Variants in EPHA6 observed in about 807,000 individuals in gnomAD.
EPHA6 encodes the protein EPH receptor A6, also known as ephrin type-A receptor 6.
In EPHA6, 50 loss-of-function variants were observed where a neutral mutation model predicts 112.0. The observed-to-expected ratio is 0.45, with a 90% confidence interval of 0.36 to 0.56. The LOEUF (loss-of-function observed/expected upper bound fraction) is 0.56, where lower values mean the gene tolerates loss of function less well. Ranked by LOEUF, EPHA6 falls within the 20% of genes least tolerant of loss-of-function variation. The pLI is 0.00. For synonymous variants in EPHA6, 529 were observed against 490.7 expected (o/e 1.08, Z -1.03); for missense variants, 1,280 against 1,417.4 (o/e 0.90, Z 1.56).
At chr3:97,619,689 C>T (rs1458097476) in intron 13 of EPHA6, among the ~76,000 whole-genome samples, 3 of 151,904 alleles carry the variant, frequency 2.0e-5, no homozygotes, top group African/African-American at 7.3e-5. Flanking sequence ...GAATAAAACA[C>T]CTAGGAATAC....
At chr3:97,325,581 A>G (rs769660413) in intron 5 of EPHA6, among the ~76,000 whole-genome samples, 1 of 152,066 alleles carries the variant, frequency 6.6e-6, no homozygotes, top group African/African-American at 2.4e-5. Context: ...AGCCCCTAGC[A>G]TCCGTGTAAA....
intron 14 of EPHA6, among the ~76,000 whole-genome samples, chr3:97,641,055 T>A (rs1241145791): frequency 1.3e-5 from 2 of 152,202 alleles, no homozygotes; most frequent in African/African-American, 4.8e-5. Context: ...CTAATATTTC[T>A]AGATTGAACA....
chr3:97,085,948 T>TATATATATATATATATATATATATAC (rs984404779), intron 3 of EPHA6, among the ~76,000 whole-genome samples: 20 of 145,114 alleles, frequency 1.4e-4, no homozygotes, highest in African/African-American at 5.0e-4. Flanking sequence ...TATATATATA[T>TATATATATATATATATATATATATAC]ACACACTGAG....
chr3:96,854,023 G>A (rs1388101124), intron 1 of EPHA6, among the ~76,000 whole-genome samples: 1 of 151,336 alleles, frequency 6.6e-6, no homozygotes, highest in Non-Finnish European at 1.5e-5. Flanking sequence ...TGTGTTTTTT[G>A]TTTGTGTTCT....
intron 3 of EPHA6, among the ~76,000 whole-genome samples, chr3:97,083,596 A>G (rs1259332559): frequency 1.3e-5 from 2 of 151,992 alleles, no homozygotes; most frequent in Non-Finnish European, 2.9e-5. Context: ...AATGATTCCC[A>G]GGTCTTTTTT....
chr3:97,376,584 C>G (rs2085373898), intron 5 of EPHA6, among the ~76,000 whole-genome samples: 1 of 152,142 alleles, frequency 6.6e-6, no homozygotes, highest in Non-Finnish European at 1.5e-5. Context: ...TGAAAGAGAG[C>G]TTTTGGCTTT....
rs1156620768 is a variant in EPHA6, at chr3:97,754,680, A to T, written c.*5979A>T. 6.6e-6 allele frequency among the ~76,000 whole-genome samples: 1 copy of T among 152,204 alleles called. No individual in the cohort carries two copies. On this transcript the variant is annotated 3_prime_UTR_variant, in exon 18 of 18. Coordinates refer to ENST00000389672, the MANE Select transcript of EPHA6 (RefSeq NM_001080448.3). ...AGTGATTTTTGCACTGTCCCATTGA[A>T]AGCAAAGTTTCCTTTATTTATTTAT...
intron 10 of EPHA6, among the ~76,000 whole-genome samples, chr3:97,507,252 G>A (rs993356923): frequency 2.6e-5 from 4 of 152,164 alleles, no homozygotes; most frequent in Non-Finnish European, 5.9e-5. Context: ...AATTATCAAT[G>A]GGAGTGCTTC....
chr3:97,658,150 AC>A (rs2094147688), intron 14 of EPHA6, among the ~76,000 whole-genome samples: 1 of 151,806 alleles, frequency 6.6e-6, no homozygotes, highest in African/African-American at 2.4e-5. Context: ...TCACCCACAC[AC>A]TTTTAGTTTC....
chr3:96,916,133 T>C (rs1489518944), intron 2 of EPHA6, among the ~76,000 whole-genome samples: 2 of 152,146 alleles, frequency 1.3e-5, no homozygotes, highest in Admixed American at 1.3e-4. Context: ...GACCAATCCA[T>C]ATTTATGGAT....
rs530264808 is a variant in EPHA6 at position 97,217,190 on chromosome 3, A to C, written c.1115-9074A>C. On this transcript the variant is annotated intron_variant, in intron 3 of 17. Transcript: ENST00000389672. Reference sequence around the variant, plus strand: ...ACAGATCTGAGAGTTCAGGGAAATCAAGGTAGCAAGATTTCACAATGTCAG... The same window carrying C: ...ACAGATCTGAGAGTTCAGGGAAATCCAGGTAGCAAGATTTCACAATGTCAG... 2.0e-5 allele frequency among the ~76,000 whole-genome samples: 3 copies of C among 152,302 alleles called. No homozygotes were observed. The South Asian group carries it at 6.2e-4, about 32-fold the overall frequency.
At chr3:97,619,260 G>A (rs950552409) in intron 13 of EPHA6, among the ~76,000 whole-genome samples, 1 of 151,794 alleles carries the variant, frequency 6.6e-6, no homozygotes, top group Non-Finnish European at 1.5e-5. Flanking sequence ...GAAGGAATAT[G>A]CCTCAAAATA....
At chr3:96,848,618 C>T (rs898341365) in intron 1 of EPHA6, among the ~76,000 whole-genome samples, 10 of 151,322 alleles carry the variant, frequency 6.6e-5, no homozygotes, top group Admixed American at 3.3e-4. Flanking sequence ...GAGTGAGACT[C>T]CGTCTATTTA....
At chr3:97,693,681 G>A (rs1327228516) in intron 14 of EPHA6, among the ~76,000 whole-genome samples, 6 of 152,084 alleles carry the variant, frequency 3.9e-5, no homozygotes, top group African/African-American at 1.2e-4. Context: ...GGTGGCGGGC[G>A]CCTGTAGTCC....
At chr3:96,844,759 T>C (rs931125116) in intron 1 of EPHA6, among the ~76,000 whole-genome samples, 1 of 151,922 alleles carries the variant, frequency 6.6e-6, no homozygotes, top group African/African-American at 2.4e-5. Flanking sequence ...GAGAAAAATA[T>C]ATGATAGTAC....
At chr3:97,163,061 C>G (rs1246648012) in intron 3 of EPHA6, among the ~76,000 whole-genome samples, 1 of 152,046 alleles carries the variant, frequency 6.6e-6, no homozygotes, top group Non-Finnish European at 1.5e-5. Context: ...ACAGTTTCCA[C>G]TGTAAGGTCT....
At chr3:97,291,592 C>A (rs2080686101) in intron 5 of EPHA6, among the ~76,000 whole-genome samples, 1 of 152,018 alleles carries the variant, frequency 6.6e-6, no homozygotes, top group African/African-American at 2.4e-5. Flanking sequence ...AAAGATCTAT[C>A]TTTGTGTTCT....
At chr3:97,271,488 ATT>A (rs773976469) in intron 5 of EPHA6, among the ~76,000 whole-genome samples, 179 of 152,084 alleles carry the variant, frequency 1.2e-3, no homozygotes, top group Non-Finnish European at 2.3e-3. Flanking sequence ...CTCCTGAGTA[ATT>A]ATGATTACAG....
chr3:96,848,962 T>A (rs1156304891), intron 1 of EPHA6, among the ~76,000 whole-genome samples: 2 of 152,118 alleles, frequency 1.3e-5, no homozygotes, highest in African/African-American at 4.8e-5. Context: ...CTATGTAACT[T>A]AACACAGTAA....
Sources: gnomAD v4.1 joint callset for allele counts (sites outside exome capture counted in the v4.1 genomes callset) on GRCh38, gnomAD v4.1.1 for gene constraint, MANE v1.5 for transcripts, NCBI Gene and HGNC (gene_info 2026-07-23, HGNC 2026-07-21) for gene names.